The following RNF168 variants were observed in gnomAD, a reference collection of about 807,000 sequenced individuals.
RNF168 encodes the protein E3 ubiquitin-protein ligase RNF168.
A neutral mutation model predicts 34.9 loss-of-function variants in RNF168; 34 were observed. The ratio of observed to expected loss-of-function variants is 0.97; its 90% confidence interval spans 0.74 to 1.30. RNF168 has a LOEUF of 1.30. RNF168 is among the 50% of genes most tolerant of loss of function. RNF168 has a pLI of 0.00. For synonymous variants in RNF168, 264 were observed against 254.7 expected (o/e 1.04, Z -0.35); for missense variants, 725 against 682.5 (o/e 1.06, Z -0.69).
rs1158003406 is a variant in RNF168 at position 196,473,153 on chromosome 3, G to T, written c.763-381C>A. Among the ~76,000 whole-genome samples, 5 of 152,014 alleles carry T rather than the reference G, an allele frequency of 3.3e-5. No homozygotes were observed. The East Asian group carries it at 9.6e-4, about 29-fold the overall frequency. ...ACCCACAGACTAGATTCCAAATATG[G>T]CCAATAGCTGGTATCAGGACCTGAC... On this transcript the variant is annotated intron_variant, in intron 5 of 5. Transcript: ENST00000318037.
At chr3:196,495,110 G>GT (rs1177164795) in intron 1 of RNF168, among the ~76,000 whole-genome samples, 1 of 152,116 alleles carries the variant, frequency 6.6e-6, no homozygotes. Context: ...TGCAAAAATA[G>GT]TATGATAAAC....
chr3:196,476,677 A>T (rs1394634006), intron 4 of RNF168, among the ~76,000 whole-genome samples: 2 of 151,760 alleles, frequency 1.3e-5, no homozygotes, highest in African/African-American at 4.8e-5. Context: ...CGGCCTCCCA[A>T]AGTGCTGGGA....
intron 4 of RNF168, among the ~76,000 whole-genome samples, chr3:196,482,975 A>T (rs185806211): frequency 2.0e-4 from 30 of 152,252 alleles, no homozygotes; most frequent in Admixed American, 1.9e-3. Context: ...TAGATATATA[A>T]AGATTCATGA....
intron 4 of RNF168, among the ~76,000 whole-genome samples, chr3:196,480,853 C>T (rs997828296): frequency 6.6e-6 from 1 of 152,078 alleles, no homozygotes; most frequent in Non-Finnish European, 1.5e-5. Flanking sequence ...CTGTGCAGCT[C>T]GGGCTCGTCT....
At chr3:196,493,773 C>T (rs1386015885) in intron 1 of RNF168, among the ~76,000 whole-genome samples, 1 of 152,004 alleles carries the variant, frequency 6.6e-6, no homozygotes, top group East Asian at 1.9e-4. Context: ...GGTGATCCAC[C>T]TGCCTTCCAA....
intron 4 of RNF168, among the ~76,000 whole-genome samples, chr3:196,479,878 T>C (rs1732246043): frequency 6.6e-6 from 1 of 152,174 alleles, no homozygotes; most frequent in Non-Finnish European, 1.5e-5. Context: ...ACGCATAAGC[T>C]ACTGCGCCCG....
At chr3:196,480,833 T>G (rs1445789037) in intron 4 of RNF168, among the ~76,000 whole-genome samples, 1 of 152,044 alleles carries the variant, frequency 6.6e-6, no homozygotes, top group Non-Finnish European at 1.5e-5. Context: ...TTTTAAGAGA[T>G]AGGGTCTCCC....
rs542490643 is a variant in RNF168, at chr3:196,475,126, G to A, written c.762+105C>T. ...CTAAGAGGACTCAGACAGGGTGTTT[G>A]ATTAACTATAGGGGCTTTTGTTAAA... On this transcript the variant is annotated intron_variant, in intron 5 of 5. Coordinates refer to ENST00000318037, the MANE Select transcript of RNF168 (RefSeq NM_152617.4). 10 of 738,548 alleles carry A rather than the reference G, an allele frequency of 1.4e-5. No individual in the cohort carries two copies. The African/African-American group carries it at 1.7e-4, about 13-fold the overall frequency. The allele number at this position is 738,548 out of a possible 1,614,324, so 45.7% of individuals were successfully genotyped here. A position where few individuals can be genotyped will look rare whatever the true frequency, so the allele number is the denominator to read the frequency against.
At chr3:196,502,571 G>C (rs954810303) in intron 1 of RNF168, among the ~76,000 whole-genome samples, 2 of 150,954 alleles carry the variant, frequency 1.3e-5, no homozygotes, top group African/African-American at 4.9e-5. Context: ...CTGGAGGACG[G>C]AGCGAGATCC....
chr3:196,482,221 T>G (rs113872224), intron 4 of RNF168, among the ~76,000 whole-genome samples: 70 of 152,178 alleles, frequency 4.6e-4, no homozygotes, highest in Non-Finnish European at 8.4e-4. Flanking sequence ...TACTCTTTAA[T>G]CAACAAGTTG....
At chr3:196,482,801 T>G (rs1200544377) in intron 4 of RNF168, among the ~76,000 whole-genome samples, 1 of 152,252 alleles carries the variant, frequency 6.6e-6, no homozygotes, top group Non-Finnish European at 1.5e-5. Context: ...TGTCTTCTGT[T>G]GTTGAGTTAT....
intron 1 of RNF168, among the ~76,000 whole-genome samples, chr3:196,499,197 G>C (rs777018484): frequency 6.6e-6 from 1 of 151,968 alleles, no homozygotes; most frequent in African/African-American, 2.4e-5. Context: ...AGACACAGAG[G>C]AGACGGCCAT....
Position 196,487,509 on chromosome 3 carries a change from A to G in RNF168, c.448T>C (p.Leu150=). Residue 150 remains leucine, a synonymous_variant, in exon 3 of 6, where the codon TTG becomes CTG. Coordinates refer to ENST00000318037, the MANE Select transcript of RNF168 (RefSeq NM_152617.4). ...TTTTCCTCTTCTTCCTCCTCTGCCA[A>G]CAACCTCTGTATGTATTCTTCACTG... The part of the protein sequence containing the change: ...KASEEYIQRL[L]AEEEEEEKRQ... 1.2e-6 allele frequency: 2 copies of G among 1,614,058 alleles called. No individual in the cohort carries two copies. The highest frequency in any genetic ancestry group is 2.2e-5 in the East Asian group (1 of 44,888).
intron 1 of RNF168, among the ~76,000 whole-genome samples, chr3:196,499,524 G>A (rs1207272410): frequency 2.0e-5 from 3 of 152,110 alleles, no homozygotes; most frequent in African/African-American, 7.2e-5. Context: ...CATCTATGGT[G>A]GATAAAAACT....
At chr3:196,499,466 G>A (rs936091293) in intron 1 of RNF168, among the ~76,000 whole-genome samples, 1 of 152,082 alleles carries the variant, frequency 6.6e-6, no homozygotes, top group African/African-American at 2.4e-5. Context: ...GTAGCCCTAG[G>A]AAATAAAAAG....
intron 1 of RNF168, among the ~76,000 whole-genome samples, chr3:196,489,616 C>T (rs140657609): frequency 3.0e-4 from 45 of 152,284 alleles, no homozygotes; most frequent in African/African-American, 1.1e-3. Context: ...CGTGAGCCAC[C>T]GTGCCCGGCT....
rs982488039 is a variant in RNF168 at position 196,483,792 on chromosome 3, T to C, written c.658A>G (p.Arg220Gly). The part of the protein sequence containing the change: ...KSEKKSKNKQ[R>G]NTGDIQKYLT... Reference sequence around the variant, plus strand: ...TACTTCTGAATATCTCCAGTGTTTCTTTGTTTGTTCTTACTTTTCTTTTCA... The same window carrying C: ...TACTTCTGAATATCTCCAGTGTTTCCTTGTTTGTTCTTACTTTTCTTTTCA... The change falls in exon 4 of 6, where the codon AGA becomes GGA. Residue 220 changes from arginine to glycine, a missense_variant. By Grantham distance (125) the Arg-to-Gly change is moderately radical (BLOSUM62 -2). Coordinates refer to ENST00000318037, the MANE Select transcript of RNF168 (RefSeq NM_152617.4). 1.9e-6 allele frequency: 3 copies of C among 1,611,724 alleles called. No homozygotes were observed. The highest frequency in any genetic ancestry group is 2.5e-6 in the Non-Finnish European group (3 of 1,178,036).
chr3:196,492,966 G>A (rs942947759), intron 1 of RNF168, among the ~76,000 whole-genome samples: 1 of 148,198 alleles, frequency 6.7e-6, no homozygotes, highest in Non-Finnish European at 1.5e-5. Flanking sequence ...TCGAATTCAA[G>A]GTGGATTAAA....
intron 1 of RNF168, among the ~76,000 whole-genome samples, chr3:196,489,124 G>C (rs1732530690): frequency 6.6e-6 from 1 of 152,124 alleles, no homozygotes; most frequent in Non-Finnish European, 1.5e-5. Context: ...CCAAAGTGCT[G>C]CGATTACAGG....
Sources: gnomAD v4.1 joint callset for allele counts (sites outside exome capture counted in the v4.1 genomes callset) on GRCh38, gnomAD v4.1.1 for gene constraint, MANE v1.5 for transcripts, NCBI Gene and HGNC (gene_info 2026-07-23, HGNC 2026-07-21) for gene names.